The following JAKMIP3 variants were observed in gnomAD, a reference collection of about 807,000 sequenced individuals.
JAKMIP3 encodes the protein janus kinase and microtubule-interacting protein 3.
A neutral mutation model predicts 118.5 loss-of-function variants in JAKMIP3; 58 were observed. That is an observed-to-expected ratio of 0.49 (90% CI 0.40 to 0.61). The LOEUF is 0.61. JAKMIP3 is among the 20% of genes least tolerant of loss of function. JAKMIP3 has a pLI of 0.00. For synonymous variants in JAKMIP3, 486 were observed against 451.2 expected, an observed-to-expected ratio of 1.08 and a Z score of -0.98; for missense variants, 950 against 1,109.0, an observed-to-expected ratio of 0.86 and a Z score of 2.04.
chr10:132,100,917 T>G (rs2044787076), intron 1 of JAKMIP3, among the ~76,000 whole-genome samples: 1 of 152,172 alleles, frequency 6.6e-6, no homozygotes, highest in South Asian at 2.1e-4. Flanking sequence ...AGACCCCAGC[T>G]GGGTGCCTGA....
At chr10:132,180,752 CGTGT>C (rs1301580781) in intron 23 of JAKMIP3, among the ~76,000 whole-genome samples, 1 of 13,682 alleles carries the variant, frequency 7.3e-5, no homozygotes, top group South Asian at 2.5e-3. Context: ...CGTGCGCGCG[CGTGT>C]GTGCGTGTGT....
In JAKMIP3 at chr10:132,135,846, C is replaced by G. The variant is rs1008136916; in HGVS notation, c.970-84C>G. ...GGGGACTGCGTTGTTGCAGCCCAAG[C>G]TGTGGTCAGTCAGCCGACTCTGCGT... On this transcript the variant is annotated intron_variant, in intron 5 of 23. Transcript: ENST00000684848. 5.6e-6 allele frequency: 8 copies of G among 1,428,250 alleles called. No individual in the cohort carries two copies. The Admixed American group carries it at 1.5e-4, about 28-fold the overall frequency. 88.5% of individuals were successfully genotyped at this position (1,428,250 alleles called of 1,614,324 possible).
chr10:132,118,671 G>T lies in JAKMIP3; in HGVS notation c.633+1097G>T, dbSNP rs767380921. On this transcript the variant is annotated intron_variant, in intron 3 of 23. Coordinates refer to ENST00000684848, the MANE Select transcript of JAKMIP3 (RefSeq NM_001323087.2). This position sits in a 1 kb window ranked among gnomAD's most constrained non-coding sequence, Gnocchi z 4.8. ...TGACCTCGCCACAGTGTACACGTGG[G>T]TGCCCCCAAACGTGCCTAACCCGGG... 6.6e-6 allele frequency among the ~76,000 whole-genome samples: 1 copy of T among 152,194 alleles called. No homozygotes were observed. The highest frequency in any genetic ancestry group is 1.5e-5 in the Non-Finnish European group (1 of 68,028).
intron 9 of JAKMIP3, among the ~76,000 whole-genome samples, chr10:132,139,408 ATGTG>A (rs1315597519): frequency 6.3e-5 from 5 of 78,962 alleles, no homozygotes; most frequent in African/African-American, 7.3e-5. Flanking sequence ...GTGAGTGTGT[ATGTG>A]TGAGTGTGTG....
rs749004696 is a variant in JAKMIP3, at chr10:132,104,877, G to A, written c.69G>A (p.Ala23=). The A allele has an allele frequency of 2.5e-5, 40 of 1,572,004 alleles. No individual in the cohort carries two copies. Among genetic ancestry groups the A allele is most frequent in the African/African-American group, 5.4e-5 (4 of 73,812 alleles). Residue 23 remains alanine, a synonymous_variant, in exon 2 of 24, where the codon GCG becomes GCA. Coordinates refer to ENST00000684848, the MANE Select transcript of JAKMIP3 (RefSeq NM_001323087.2). The stretch of plus-strand genomic sequence containing the variant: ...CAGAGGCCCTCGCGGCGCTGCAGGC[G>A]GCCAACGAGGATCTTCGAGCCAAGC... ...DKAEALAALQ[A]ANEDLRAKLT... is the part of the protein sequence containing the mutation.
intron 1 of JAKMIP3, among the ~76,000 whole-genome samples, chr10:132,090,930 C>T (rs960409985): frequency 2.0e-5 from 3 of 152,160 alleles, no homozygotes; most frequent in Non-Finnish European, 4.4e-5. Context: ...CCATAAATTT[C>T]CCTCTACACA....
chr10:132,045,362 C>T (rs1162375302), intron 1 of JAKMIP3, among the ~76,000 whole-genome samples: 1 of 152,116 alleles, frequency 6.6e-6, no homozygotes, highest in Non-Finnish European at 1.5e-5. Flanking sequence ...TCTGTCTCCC[C>T]GGCAGATTTT....
At chr10:132,055,798 G>A (rs955517277) in intron 1 of JAKMIP3, among the ~76,000 whole-genome samples, 1 of 152,184 alleles carries the variant, frequency 6.6e-6, no homozygotes, top group African/African-American at 2.4e-5. Flanking sequence ...GTGTCCCACT[G>A]TGCCATCAGG....
intron 9 of JAKMIP3, among the ~76,000 whole-genome samples, chr10:132,139,644 G>C (rs2053056876): frequency 1.3e-5 from 2 of 151,954 alleles, no homozygotes; most frequent in Admixed American, 1.3e-4. Flanking sequence ...TCCCCGCTCG[G>C]GACCCCTCTG....
chr10:132,180,636 TGCGTGTGTGC>T lies in JAKMIP3; in HGVS notation c.*1104-1719_*1104-1710del, dbSNP rs2060927573. On this transcript the variant is annotated intron_variant, in intron 23 of 23. Coordinates refer to ENST00000684848, the MANE Select transcript of JAKMIP3 (RefSeq NM_001323087.2). ...GTGTGCGTGTGTGTGCGTGTGTGCGTGCGTGTGTGCGTGTGCGTGTGCGTGTGTGCGTGTG... is the reference window on the plus strand; with the variant it reads ...GTGTGCGTGTGTGTGCGTGTGTGCGTGTGTGCGTGTGCGTGTGTGCGTGTG... Among the ~76,000 whole-genome samples, 4 of 16,036 alleles carry T rather than the reference TGCGTGTGTGC, an allele frequency of 2.5e-4. 1 individual carries two copies. The highest frequency in any genetic ancestry group is 6.7e-4 in the African/African-American group (2 of 2,990). 10.5% of individuals were successfully genotyped at this position (16,036 alleles called of 152,430 possible). A position where few individuals can be genotyped will look rare whatever the true frequency, so the allele number is the denominator to read the frequency against.
rs2059151033 is a variant in JAKMIP3, at chr10:132,168,293, A to C, written c.*363A>C. On this transcript the variant is annotated 3_prime_UTR_variant, in exon 23 of 24. Transcript: ENST00000684848. ...GCAGGGGTGAGAACTGCTTCTGTGCAGAAGCACCAGCCGCGGGTCCCCTCC... is the reference window on the plus strand; with the variant it reads ...GCAGGGGTGAGAACTGCTTCTGTGCCGAAGCACCAGCCGCGGGTCCCCTCC... 7.8e-7 allele frequency: 1 copy of C among 1,289,394 alleles called. No individual in the cohort carries two copies. The highest frequency in any genetic ancestry group is 1.5e-5 in the African/African-American group (1 of 65,858). The allele number at this position is 1,289,394 out of a possible 1,614,324, so 79.9% of individuals were successfully genotyped here.
At chr10:132,169,457 G>A (rs553891688) in intron 23 of JAKMIP3, among the ~76,000 whole-genome samples, 22 of 152,336 alleles carry the variant, frequency 1.4e-4, no homozygotes, top group Admixed American at 5.2e-4. Flanking sequence ...CTGGGGAGGC[G>A]ACTCTGGGTG....
chr10:132,115,037 G>C (rs143660643), intron 2 of JAKMIP3, among the ~76,000 whole-genome samples: 1 of 152,342 alleles, frequency 6.6e-6, no homozygotes, highest in African/African-American at 2.4e-5. Context: ...AGTGGCTGCT[G>C]TGATCGGGCG....
chr10:132,150,197 A>C (rs1159718889), intron 16 of JAKMIP3, among the ~76,000 whole-genome samples, 156 bp downstream of exon 16: 1 of 151,536 alleles, frequency 6.6e-6, no homozygotes, highest in Admixed American at 6.6e-5. Context: ...TCAGAATCGG[A>C]GCCTTCCTCA....
At chr10:132,059,544 G>C (rs2038335490) in intron 1 of JAKMIP3, among the ~76,000 whole-genome samples, 1 of 152,242 alleles carries the variant, frequency 6.6e-6, no homozygotes, top group African/African-American at 2.4e-5. Context: ...CTGTCCCTTT[G>C]TGGGGCTCTT....
intron 3 of JAKMIP3, among the ~76,000 whole-genome samples, chr10:132,127,393 TG>T (rs1453155889): frequency 1.6e-4 from 2 of 12,280 alleles, no homozygotes; most frequent in African/African-American, 1.2e-3. Flanking sequence ...TGGCTAATTT[TG>T]TGTGTGTGTG....
At chr10:132,062,358 C>A (rs566115788), upstream of JAKMIP3, among the ~76,000 whole-genome samples, 14 of 152,194 alleles carry the variant, frequency 9.2e-5, no homozygotes, top group Non-Finnish European at 2.1e-4. Flanking sequence ...CCCATTCAAG[C>A]GCCTGCTCTG....
chr10:132,073,871 C>A (rs9419342), intron 1 of JAKMIP3, among the ~76,000 whole-genome samples: 5 of 152,168 alleles, frequency 3.3e-5, no homozygotes, highest in African/African-American at 9.6e-5. Context: ...TTATTTCTTT[C>A]CTGTTGGGTA....
Position 132,145,160 on chromosome 10 carries a change from C to G in JAKMIP3, c.1656C>G (p.Asp552Glu), listed in dbSNP as rs760658976. Reference sequence around the variant, plus strand: ...AGAGGGCACAGGCGCGGATAGAGGACCTGGAGAAGGCCCTGGCGGAGCAGG... The same window carrying G: ...AGAGGGCACAGGCGCGGATAGAGGAGCTGGAGAAGGCCCTGGCGGAGCAGG... The part of the protein sequence containing the change: ...EVQRAQARIE[D>E]LEKALAEQGQ... Residue 552 changes from aspartate to glutamate, a missense_variant, in exon 12 of 24, where the codon GAC (aspartate) becomes GAG (glutamate). Coordinates refer to ENST00000684848, the MANE Select transcript of JAKMIP3 (RefSeq NM_001323087.2). The G allele has an allele frequency of 6.2e-7, 1 of 1,612,216 alleles. No homozygotes were observed. The highest frequency in any genetic ancestry group is 2.2e-5 in the East Asian group (1 of 44,850).
Sources: gnomAD v4.1 joint callset for allele counts (sites outside exome capture counted in the v4.1 genomes callset) on GRCh38, gnomAD v4.1.1 for gene constraint, Gnocchi (gnomAD v3.1) non-coding constraint, MANE v1.5 for transcripts, NCBI Gene and HGNC (gene_info 2026-07-23, HGNC 2026-07-21) for gene names.